Variants in RBFOX1 observed in about 807,000 individuals in gnomAD.
The protein encoded by RBFOX1 is RNA binding fox-1 homolog 1.
A neutral mutation model predicts 57.7 loss-of-function variants in RBFOX1; 8 were observed. The observed-to-expected ratio is 0.14, with a 90% confidence interval of 0.08 to 0.25. The LOEUF is 0.25. RBFOX1 is among the 10% of genes least tolerant of loss of function. RBFOX1 has a pLI of 1.00. For missense variants in RBFOX1, 611 were observed against 548.5 expected (o/e 1.11, Z -1.14); for synonymous variants, 326 against 222.4 (o/e 1.47, Z -4.15).
rs117255527 is a variant in RBFOX1 at position 6,494,713 on chromosome 16, C to G, written c.-63-159890C>G. On this transcript the variant is annotated intron_variant, in intron 2 of 15. Transcript: ENST00000550418. ...ATGCCCAGGAATGGGCCTTGGAGAT[C>G]TTTGATTTATGCATATTATGGAACA... Among the ~76,000 whole-genome samples, 745 of 152,264 alleles carry G rather than the reference C, an allele frequency of 4.9e-3. 24 individuals carry two copies. The East Asian group carries it at 0.097, about 20-fold the overall frequency.
intron 4 of RBFOX1, among the ~76,000 whole-genome samples, chr16:7,145,112 C>T (rs1270083350): frequency 6.6e-6 from 1 of 152,224 alleles, no homozygotes; most frequent in East Asian, 1.9e-4. Context: ...CAGACATAAG[C>T]ACCTACAAGT....
chr16:6,462,738 T>C (rs113090092), intron 2 of RBFOX1, among the ~76,000 whole-genome samples: 4,266 of 144,782 alleles, frequency 0.029, 108 homozygotes, highest in Middle Eastern at 0.087. Flanking sequence ...CAATTTGAAG[T>C]CTTCCCGACG....
intron 3 of RBFOX1, among the ~76,000 whole-genome samples, chr16:5,703,777 A>G (rs896175981): frequency 6.6e-6 from 1 of 152,302 alleles, no homozygotes; most frequent in Non-Finnish European, 1.5e-5. Flanking sequence ...ATGTGTATTT[A>G]TGTGTGTGAG....
intron 2 of RBFOX1, among the ~76,000 whole-genome samples, chr16:5,511,389 T>C (rs2043586866): frequency 6.6e-6 from 1 of 152,228 alleles, no homozygotes; most frequent in Admixed American, 6.5e-5. Flanking sequence ...GGTGCCTTTA[T>C]TTTTCCTTGC....
chr16:5,590,508 G>C (rs1335750611), intron 2 of RBFOX1, among the ~76,000 whole-genome samples: 2 of 152,166 alleles, frequency 1.3e-5, no homozygotes, highest in African/African-American at 2.4e-5. Flanking sequence ...GGAAGCCTCG[G>C]TGTCATTATG....
At chr16:7,187,439 C>T (rs993841366) in intron 4 of RBFOX1, among the ~76,000 whole-genome samples, 1 of 151,828 alleles carries the variant, frequency 6.6e-6, no homozygotes, top group Non-Finnish European at 1.5e-5. Context: ...CCTGTAATCC[C>T]AGCACTTTGA....
intron 3 of RBFOX1, among the ~76,000 whole-genome samples, chr16:6,951,928 G>T (rs964655309): frequency 6.6e-6 from 1 of 152,116 alleles, no homozygotes; most frequent in Admixed American, 6.5e-5. Context: ...TAGAGATGGG[G>T]TTTCACCATG....
chr16:6,960,227 C>T (rs1308685620), intron 3 of RBFOX1, among the ~76,000 whole-genome samples: 1 of 152,066 alleles, frequency 6.6e-6, no homozygotes, highest in Non-Finnish European at 1.5e-5. Context: ...GCACCTGGAC[C>T]CATTTAGATT....
chr16:7,302,742 C>CTT (rs765547396), intron 4 of RBFOX1, among the ~76,000 whole-genome samples: 107 of 88,046 alleles, frequency 1.2e-3, no homozygotes, highest in African/African-American at 2.9e-3. Context: ...CAAGAATGTG[C>CTT]TTTTTTTTTT....
chr16:6,873,143 A>G (rs964769514), intron 3 of RBFOX1, among the ~76,000 whole-genome samples: 8 of 152,102 alleles, frequency 5.3e-5, no homozygotes, highest in Admixed American at 2.0e-4. Context: ...AAAAAAAAAA[A>G]AAGCTCTATA....
chr16:7,166,516 C>A (rs1243570313), intron 4 of RBFOX1, among the ~76,000 whole-genome samples: 1 of 152,070 alleles, frequency 6.6e-6, no homozygotes, highest in Non-Finnish European at 1.5e-5. Flanking sequence ...GAAGAAGGAA[C>A]AGGATGGCCT....
chr16:6,682,552 A>G (rs1390384999), intron 3 of RBFOX1, among the ~76,000 whole-genome samples: 1 of 152,146 alleles, frequency 6.6e-6, no homozygotes, highest in East Asian at 1.9e-4. Context: ...GGACCGGTGC[A>G]TGCTTTGCTG....
At chr16:7,094,819 G>T (rs565758556) in intron 4 of RBFOX1, among the ~76,000 whole-genome samples, 84 of 151,016 alleles carry the variant, frequency 5.6e-4, no homozygotes, top group African/African-American at 2.0e-3. Flanking sequence ...GAGACAGAGG[G>T]TAAGAGAATT....
At chr16:6,886,505 C>G (rs539924213) in intron 3 of RBFOX1, among the ~76,000 whole-genome samples, 1 of 151,998 alleles carries the variant, frequency 6.6e-6, no homozygotes, top group South Asian at 2.1e-4. Flanking sequence ...GTAATCCCAG[C>G]ACTTTGAGAG....
At chr16:6,058,732 C>G (rs8056990) in intron 1 of RBFOX1, among the ~76,000 whole-genome samples, 80,145 of 148,930 alleles carry the variant, frequency 0.54, 22,080 homozygotes, top group Non-Finnish European at 0.6. Context: ...CACCCATCCA[C>G]CAATCCATCC....
In RBFOX1 at chr16:5,815,021, T is replaced by C. The variant is rs559115395; in HGVS notation, c.319-52282T>C. The stretch of plus-strand genomic sequence containing the variant: ...TTTTTTTAAATGAGGTCTCACTCTG[T>C]TACCCAGGCTGAAGTGCAGTGGCAT... On this transcript the variant is annotated intron_variant, in intron 3 of 19. Transcript: ENST00000641259. Among the ~76,000 whole-genome samples the C allele has an allele frequency of 3.3e-5, 5 of 152,044 alleles. No individual in the cohort carries two copies. The South Asian group carries it at 1.0e-3, about 32-fold the overall frequency.
chr16:7,205,990 G>A (rs565309700), intron 4 of RBFOX1, among the ~76,000 whole-genome samples: 2 of 152,348 alleles, frequency 1.3e-5, no homozygotes, highest in South Asian at 4.1e-4. Context: ...GCCTATGGCC[G>A]ATGTTGTGTT....
chr16:5,426,214 T>C (rs1372513112), intron 1 of RBFOX1, among the ~76,000 whole-genome samples: 3 of 152,156 alleles, frequency 2.0e-5, no homozygotes, highest in African/African-American at 7.2e-5. Flanking sequence ...TGGACTTGTG[T>C]GGAGTGGTCC....
chr16:6,974,011 A>G (rs2086197115), intron 3 of RBFOX1, among the ~76,000 whole-genome samples: 1 of 152,140 alleles, frequency 6.6e-6, no homozygotes, highest in South Asian at 2.1e-4. Context: ...CTCACTTTTA[A>G]GTAAGAACAT....
Sources: gnomAD v4.1 joint callset for allele counts (sites outside exome capture counted in the v4.1 genomes callset) on GRCh38, gnomAD v4.1.1 for gene constraint, MANE v1.5 for transcripts, NCBI Gene and HGNC (gene_info 2026-07-23, HGNC 2026-07-21) for gene names.